Variants in LRRIQ3 observed in about 807,000 individuals in gnomAD.
LRRIQ3 encodes the protein leucine-rich repeat and IQ domain-containing protein 3.
A neutral mutation model predicts 59.3 loss-of-function variants in LRRIQ3; 75 were observed. The ratio of observed to expected loss-of-function variants is 1.26; its 90% CI spans 1.05 to 1.53. The LOEUF (loss-of-function observed/expected upper bound fraction) is 1.53. Among genes scored for constraint, LRRIQ3 ranks in the 40% most tolerant of loss-of-function variants. LRRIQ3 has a pLI of 0.00. For synonymous variants in LRRIQ3, 250 were observed against 231.3 expected (o/e 1.08, Z -0.73); for missense variants, 831 against 710.0 (o/e 1.17, Z -1.94).
At chr1:74,193,788 T>A (rs1245383471) in intron 1 of LRRIQ3, among the ~76,000 whole-genome samples, 1 of 152,002 alleles carries the variant, frequency 6.6e-6, no homozygotes, top group Non-Finnish European at 1.5e-5. Context: ...AACTATAATA[T>A]TAGATGGAAA....
intron 5 of LRRIQ3, among the ~76,000 whole-genome samples, chr1:74,076,533 C>T (rs1646212654): frequency 6.6e-6 from 1 of 152,084 alleles, no homozygotes; most frequent in Admixed American, 6.6e-5. Context: ...TATGTCACAG[C>T]TGACAGAATT....
At position 74,197,981 on chromosome 1, in the gene LRRIQ3, A is replaced by G; in HGVS notation, c.-1+15T>C. 1 of 490,856 alleles carries G rather than the reference A, an allele frequency of 2.0e-6. No individual in the cohort carries two copies. The highest frequency in any genetic ancestry group is 3.6e-6 in the Non-Finnish European group (1 of 280,816). The allele number at this position is 490,856 out of a possible 1,614,324, so 30.4% of individuals were successfully genotyped here. The stretch of plus-strand genomic sequence containing the variant: ...TCGGTTCTAACAATTTTGTCACCCA[A>G]ACTGAACCACTCACCGGGTCAACTG... On this transcript the variant is annotated intron_variant, in intron 1 of 7. Transcript: ENST00000354431.
chr1:74,154,355 T>A (rs975229419), intron 4 of LRRIQ3, among the ~76,000 whole-genome samples: 2 of 151,578 alleles, frequency 1.3e-5, no homozygotes, highest in Non-Finnish European at 2.9e-5. Context: ...AATAAGTACT[T>A]TTTTTATCCC....
At chr1:74,131,047 G>T (rs1355384580) in intron 4 of LRRIQ3, among the ~76,000 whole-genome samples, 1 of 151,780 alleles carries the variant, frequency 6.6e-6, no homozygotes, top group Non-Finnish European at 1.5e-5. Context: ...TGATAATGGA[G>T]ATATTACCAC....
At chr1:74,073,942 A>G (rs1221299792) in intron 6 of LRRIQ3, among the ~76,000 whole-genome samples, 2 of 152,204 alleles carry the variant, frequency 1.3e-5, no homozygotes. Flanking sequence ...GATCACATTT[A>G]AAACTAAAAT....
intron 4 of LRRIQ3, among the ~76,000 whole-genome samples, chr1:74,151,317 T>C (rs1351555187): frequency 1.3e-5 from 2 of 152,174 alleles, no homozygotes; most frequent in African/African-American, 2.4e-5. Flanking sequence ...AAAGGCACTG[T>C]GGGATAATAG....
chr1:74,179,246 G>A (rs569608440), intron 3 of LRRIQ3, among the ~76,000 whole-genome samples: 5 of 151,914 alleles, frequency 3.3e-5, no homozygotes, highest in East Asian at 3.9e-4. Context: ...CTTTGATTTC[G>A]TATAGCAAAG....
At chr1:74,147,703 C>T (rs973079173) in intron 4 of LRRIQ3, among the ~76,000 whole-genome samples, 1 of 152,198 alleles carries the variant, frequency 6.6e-6, no homozygotes, top group Non-Finnish European at 1.5e-5. Flanking sequence ...CTTTCTCTTG[C>T]TGTCTCTATC....
chr1:74,171,811 T>C lies in LRRIQ3; in HGVS notation c.573+10727A>G, dbSNP rs563642295. Among the ~76,000 whole-genome samples, 20 of 152,336 alleles carry C rather than the reference T, an allele frequency of 1.3e-4. No individual in the cohort carries two copies. The East Asian group carries it at 3.9e-3, about 29-fold the overall frequency. On this transcript the variant is annotated intron_variant, in intron 3 of 7. Coordinates refer to ENST00000354431, the MANE Select transcript of LRRIQ3 (RefSeq NM_001105659.2). The stretch of plus-strand genomic sequence containing the variant: ...ACATAATCAACCTCCTTATTTGTTA[T>C]AGGTATGTTCAAGCATTCTATTTTT...
rs141173168 is a variant in LRRIQ3 at position 74,155,994 on chromosome 1, T to A, written c.574-128A>T. The stretch of plus-strand genomic sequence containing the variant: ...TGTTCACAAGGTCTTACAGGCATTA[T>A]AGTTAAATTATGATATGGTTGGATG... On this transcript the variant is annotated intron_variant, in intron 3 of 7. Transcript: ENST00000354431. 1.4e-3 allele frequency: 775 copies of A among 543,846 alleles called. 10 individuals carry two copies. Among genetic ancestry groups the A allele is most frequent in the African/African-American group, 0.013 (666 of 50,388 alleles). The allele number at this position is 543,846 out of a possible 1,614,324, so 33.7% of individuals were successfully genotyped here.
intron 3 of LRRIQ3, among the ~76,000 whole-genome samples, chr1:74,166,805 T>C (rs1436704652): frequency 6.6e-6 from 1 of 151,826 alleles, no homozygotes; most frequent in Non-Finnish European, 1.5e-5. Context: ...GAATAGACAA[T>C]TCTCAAAAGA....
At chr1:74,155,666 ACTT>A (rs1362265627) in intron 4 of LRRIQ3, 64 bp downstream of exon 4, 3 of 1,415,370 alleles carry the variant, frequency 2.1e-6, no homozygotes, top group African/African-American at 3.0e-5. Context: ...TGGAGAATTG[ACTT>A]CTTATCATTT....
Position 74,082,337 on chromosome 1 carries a change from T to C in LRRIQ3, c.868-7547A>G, listed in dbSNP as rs966393192. On this transcript the variant is annotated intron_variant, in intron 5 of 7. Transcript: ENST00000354431. ...CAATTAGTTACGATAATATTTTCAA[T>C]TTATAAATCTAATCATTTTAATGAA... The C allele has an allele frequency of 2.6e-5, 4 of 151,514 alleles. No homozygotes were observed. In the East Asian group the frequency reaches 7.7e-4, roughly 29 times the overall value. 9.4% of individuals were successfully genotyped at this position (151,514 alleles called of 1,614,324 possible). A position where few individuals can be genotyped will look rare whatever the true frequency, so the allele number is the denominator to read the frequency against.
At chr1:74,180,331 T>C (rs1649903245) in intron 3 of LRRIQ3, 1 of 163,894 alleles carries the variant, frequency 6.1e-6, no homozygotes, top group Non-Finnish European at 1.3e-5. Context: ...TCAGCCTTTA[T>C]TGATCCCTGT....
chr1:74,173,282 G>T (rs1649439084), intron 3 of LRRIQ3, among the ~76,000 whole-genome samples: 1 of 125,858 alleles, frequency 7.9e-6, no homozygotes, highest in African/African-American at 2.7e-5. Context: ...GGGCAAGAGT[G>T]AGAGTCCATC....
At chr1:74,185,551 G>T (rs1402370826) in intron 1 of LRRIQ3, among the ~76,000 whole-genome samples, 1 of 152,038 alleles carries the variant, frequency 6.6e-6, no homozygotes, top group Non-Finnish European at 1.5e-5. Context: ...CCAATCCTTT[G>T]TCAGATATGT....
chr1:74,109,606 C>T, intron 4 of LRRIQ3, 53 bp from the exon 5 acceptor site: 3 of 1,440,068 alleles, frequency 2.1e-6, no homozygotes, highest in Admixed American at 2.6e-5. Flanking sequence ...CATTAAAAAA[C>T]ATGAAAATTA....
intron 4 of LRRIQ3, among the ~76,000 whole-genome samples, chr1:74,142,925 T>A (rs1347654841): frequency 6.6e-6 from 1 of 151,982 alleles, no homozygotes; most frequent in Non-Finnish European, 1.5e-5. Context: ...AAGATAGCAA[T>A]AAAGCTGTCT....
intron 4 of LRRIQ3, among the ~76,000 whole-genome samples, chr1:74,113,151 A>G (rs1646726354): frequency 6.6e-6 from 1 of 152,054 alleles, no homozygotes; most frequent in African/African-American, 2.4e-5. Flanking sequence ...AATAATTTAA[A>G]AAAAACCAAA....
Sources: allele counts gnomAD v4.1 joint callset (sites outside exome capture counted in the v4.1 genomes callset), GRCh38; gene constraint gnomAD v4.1.1; transcripts MANE v1.5; gene names NCBI Gene and HGNC (gene_info 2026-07-23, HGNC 2026-07-21).